Variants in GSDME observed in about 807,000 individuals in gnomAD.
GSDME encodes the protein gasdermin-E.
In GSDME, 44 loss-of-function variants were observed where a neutral mutation model predicts 47.5. That is an observed-to-expected ratio of 0.93 (90% CI 0.73 to 1.19). GSDME has a LOEUF of 1.19. Ranked by LOEUF, GSDME falls within the 50% of genes most tolerant of loss-of-function variation. GSDME has a pLI of 0.00. For synonymous variants in GSDME, 258 were observed against 252.8 expected (o/e 1.02, Z -0.20); for missense variants, 663 against 604.2 (o/e 1.10, Z -1.02).
chr7:24,748,994 C>T (rs1790768036), intron 2 of GSDME, among the ~76,000 whole-genome samples: 1 of 152,084 alleles, frequency 6.6e-6, no homozygotes, highest in Non-Finnish European at 1.5e-5. Flanking sequence ...GTGATCCACC[C>T]CACTTATGCT....
In GSDME at chr7:24,708,035, CG is replaced by C. The variant is rs998345625; in HGVS notation, c.990+91del. ...AGACAGCTGTAGGGAGAAAAGGAGG[CG>C]GGGGAACCTTTAACACAATTCCATC... On this transcript the variant is annotated intron_variant, in intron 7 of 9. Transcript: ENST00000645220. The C allele has an allele frequency of 7.9e-6, 12 of 1,509,784 alleles. No homozygotes were observed. In the Middle Eastern group the frequency reaches 7.2e-4, roughly 90 times the overall value. The allele number at this position is 1,509,784 out of a possible 1,614,324, so 93.5% of individuals were successfully genotyped here. A position where few individuals can be genotyped will look rare whatever the true frequency, so the allele number is the denominator to read the frequency against.
At chr7:24,710,792 G>A (rs1789321588) in intron 5 of GSDME, among the ~76,000 whole-genome samples, 4 of 152,102 alleles carry the variant, frequency 2.6e-5, no homozygotes, top group Non-Finnish European at 5.9e-5. Context: ...GTATATTTAG[G>A]TGGCCAAGTA....
intron 9 of GSDME, among the ~76,000 whole-genome samples, chr7:24,701,506 ATTTTCT>A (rs1159864462): frequency 3.3e-5 from 5 of 152,042 alleles, no homozygotes; most frequent in Non-Finnish European, 7.4e-5. Context: ...GCTTGGCAGG[ATTTTCT>A]TTTTATTTGC....
chr7:24,782,622 G>T, the GSDME span, among the ~76,000 whole-genome samples: 1 of 152,158 alleles, frequency 6.6e-6, no homozygotes, highest in Non-Finnish European at 1.5e-5. Flanking sequence ...TCTAGTTCTA[G>T]ATCCTTGAGG....
In GSDME at chr7:24,757,358, G is replaced by T. The variant is rs1009106990; in HGVS notation, c.-20+38C>A. The T allele has an allele frequency of 6.6e-6, 1 of 152,282 alleles. No homozygotes were observed. The highest frequency in any genetic ancestry group is 1.5e-5 in the Non-Finnish European group (1 of 68,158). The allele number at this position is 152,282 out of a possible 1,614,324, so 9.4% of individuals were successfully genotyped here. The stretch of plus-strand genomic sequence containing the variant: ...CCAAAGAGGATCCGGAGTGGAGCCC[G>T]GAGCGGATCCCGCAGCCCGCGCCCG... On this transcript the variant is annotated intron_variant, in intron 1 of 9. Transcript: ENST00000645220. The surrounding 1 kb of genome is among the most constrained non-coding windows in gnomAD (Gnocchi z 5.9).
At chr7:24,737,538 T>G (rs1227044333) in intron 3 of GSDME, among the ~76,000 whole-genome samples, 1 of 151,910 alleles carries the variant, frequency 6.6e-6, no homozygotes, top group Non-Finnish European at 1.5e-5. Flanking sequence ...AACAAAAACC[T>G]GATGGCTTCA....
rs937674283 is a variant in GSDME, at chr7:24,749,878, T to A, written c.-19-85A>T. On this transcript the variant is annotated intron_variant, in intron 1 of 9. Transcript: ENST00000645220. ...CCTAAAATTACTGTATTTCTCCCTA[T>A]TCACAACAGTTCACATGAAAGAATA... The A allele has an allele frequency of 3.0e-4, 235 of 792,420 alleles. 3 individuals carry two copies. In the Admixed American group the frequency reaches 5.1e-3, roughly 17 times the overall value. 49.1% of individuals were successfully genotyped at this position (792,420 alleles called of 1,614,324 possible). A position where few individuals can be genotyped will look rare whatever the true frequency, so the allele number is the denominator to read the frequency against.
At chr7:24,794,337 T>A in the GSDME span, among the ~76,000 whole-genome samples, 14 of 151,770 alleles carry the variant, frequency 9.2e-5, no homozygotes, top group South Asian at 2.9e-3. Flanking sequence ...TGGTCTTTCC[T>A]TGCCTCTGCC....
At chr7:24,737,434 T>C (rs1383401009) in intron 3 of GSDME, among the ~76,000 whole-genome samples, 1 of 151,618 alleles carries the variant, frequency 6.6e-6, no homozygotes, top group Non-Finnish European at 1.5e-5. Context: ...CCTACCAAGA[T>C]TGAACCGTGA....
chr7:24,707,998 G>A, intron 7 of GSDME, 129 bp downstream of exon 7: 1 of 1,192,420 alleles, frequency 8.4e-7, no homozygotes, highest in Non-Finnish European at 1.2e-6. Flanking sequence ...CAGGACCCAA[G>A]AGTCAGAAAA....
chr7:24,736,902 G>A lies in GSDME; in HGVS notation c.404+7660C>T, dbSNP rs971941718. Among the ~76,000 whole-genome samples, 1 of 152,138 alleles carries A rather than the reference G, an allele frequency of 6.6e-6. No homozygotes were observed. The highest frequency in any genetic ancestry group is 2.4e-5 in the African/African-American group (1 of 41,434). On this transcript the variant is annotated intron_variant, in intron 3 of 9. Transcript: ENST00000645220. This position sits in a 1 kb window ranked among gnomAD's most constrained non-coding sequence, Gnocchi z 4.6. ...CAAATACATGGAAATTAAACAACAT[G>A]CTCCTGAATGACCAGTGAGTCAATG...
chr7:24,728,447 C>G lies in GSDME; in HGVS notation c.405-9229G>C, dbSNP rs1367005998. ...CCTAACTGGTATATGAAGTGACCAT[C>G]ATCCTTATTTCAGAAAGCAACAAGA... On this transcript the variant is annotated intron_variant, in intron 3 of 9. Coordinates refer to ENST00000645220, the MANE Select transcript of GSDME (RefSeq NM_001127453.2). This position sits in a 1 kb window ranked among gnomAD's most constrained non-coding sequence, Gnocchi z 7.2. Among the ~76,000 whole-genome samples the G allele has an allele frequency of 6.6e-6, 1 of 152,210 alleles. No individual in the cohort carries two copies. The highest frequency in any genetic ancestry group is 1.5e-5 in the Non-Finnish European group (1 of 68,052).
intron 5 of GSDME, chr7:24,715,405 T>C: frequency 2.1e-6 from 1 of 467,438 alleles, no homozygotes; most frequent in South Asian, 1.6e-5. Flanking sequence ...TTAGCTTGAC[T>C]CAGTAGTTAT....
At chr7:24,762,023 G>A (rs963048310), upstream of GSDME, among the ~76,000 whole-genome samples, 1 of 152,144 alleles carries the variant, frequency 6.6e-6, no homozygotes, top group Non-Finnish European at 1.5e-5. Context: ...AGAGGCTGAG[G>A]TGGGTAGATC....
intron 1 of GSDME, among the ~76,000 whole-genome samples, chr7:24,751,078 A>G (rs1790842939): frequency 1.3e-5 from 2 of 152,220 alleles, no homozygotes; most frequent in Admixed American, 6.5e-5. Flanking sequence ...CTTTAGAAAG[A>G]CAAAGGGCAA....
intron 6 of GSDME, 128 bp from the exon 7 acceptor site, chr7:24,708,382 G>T: frequency 8.8e-7 from 1 of 1,131,838 alleles, no homozygotes; most frequent in Non-Finnish European, 1.3e-6. Flanking sequence ...TGCATAGTCA[G>T]TCATGGAACT....
the GSDME span, among the ~76,000 whole-genome samples, chr7:24,775,984 A>T: frequency 6.0e-5 from 9 of 151,198 alleles, no homozygotes; most frequent in Middle Eastern, 0.01. Context: ...GTTTGAGACT[A>T]GCCTGACCAA....
intron 9 of GSDME, among the ~76,000 whole-genome samples, chr7:24,702,115 C>T (rs887418246): frequency 1.3e-5 from 2 of 152,230 alleles, no homozygotes; most frequent in African/African-American, 4.8e-5. Flanking sequence ...TCTGCAAAAG[C>T]TACACAAGAC....
In GSDME at chr7:24,699,252, G is replaced by A. The variant is rs1344512667; in HGVS notation, c.1265C>T (p.Ala422Val). 8.1e-6 allele frequency: 13 copies of A among 1,608,742 alleles called. No homozygotes were observed. Among genetic ancestry groups the A allele is most frequent in the Non-Finnish European group, 1.1e-5 (13 of 1,175,224 alleles). The change falls in exon 10 of 10, where the codon GCT becomes GTT. Residue 422 changes from alanine (A) to valine (V), a missense_variant. Coordinates refer to ENST00000645220, the MANE Select transcript of GSDME (RefSeq NM_001127453.2). Reference protein sequence around the residue: ...IIPTLCHLLRALSDDGVSDLE... With the variant: ...IIPTLCHLLRVLSDDGVSDLE... ...ATCAGATACTCCATCATCAGACAGA[G>A]CACGAAGCTGAAATGACACATTTAA...
Sources: gnomAD v4.1 joint callset for allele counts (sites outside exome capture counted in the v4.1 genomes callset) on GRCh38, gnomAD v4.1.1 for gene constraint, Gnocchi (gnomAD v3.1) non-coding constraint, MANE v1.5 for transcripts, NCBI Gene and HGNC (gene_info 2026-07-23, HGNC 2026-07-21) for gene names.